The following ANK3 variants were observed in gnomAD, a reference collection of about 807,000 sequenced individuals.
ANK3 encodes ankyrin-3.
ANK3 carries 57 observed loss-of-function variants against 370.9 expected under a neutral mutation model. That is an observed-to-expected ratio of 0.15 (90% CI 0.12 to 0.19). The LOEUF (loss-of-function observed/expected upper bound fraction) is 0.19. Among genes scored for constraint, ANK3 ranks in the 10% least tolerant of loss-of-function variants. ANK3 has a pLI of 1.00. For missense variants in ANK3, 4,439 were observed against 5,302.1 expected (o/e 0.84, Z 5.06); for synonymous variants, 1,929 against 1,946.3 (o/e 0.99, Z 0.23).
At chr10:60,091,012 C>T (rs1374360727) in intron 28 of ANK3, among the ~76,000 whole-genome samples, 3 of 152,262 alleles carry the variant, frequency 2.0e-5, no homozygotes, top group Non-Finnish European at 2.9e-5. Flanking sequence ...TCTAGTGATT[C>T]TCCTGCTTTG....
intron 42 of ANK3, chr10:60,044,622 A>C (rs908241734): frequency 1.2e-4 from 19 of 152,364 alleles, no homozygotes; most frequent in African/African-American, 3.4e-4. Flanking sequence ...GCAGTTACAC[A>C]CTGTAAACCG....
intron 7 of ANK3, among the ~76,000 whole-genome samples, chr10:60,253,406 G>A (rs996345554): frequency 6.6e-6 from 1 of 152,162 alleles, no homozygotes; most frequent in Non-Finnish European, 1.5e-5. Context: ...CTGTAGGTGA[G>A]GAACATAGAT....
At position 60,389,487 on chromosome 10, in the gene ANK3, C is replaced by T. The variant is rs376506318; in HGVS notation, c.52G>A (p.Ala18Thr). Residue 18 changes from alanine (A) to threonine (T), a missense_variant, in exon 1 of 44, where the codon GCT becomes ACT. Physicochemically the swap from Ala to Thr is moderately conservative, Grantham distance 58. Around this residue, in one of 13 missense-constraint regions of ANK3, gnomAD observed 54 missense variants for 52.7 expected, o/e 1.02. Transcript: ENST00000280772. Reference protein sequence around the residue: ...LKKNRDLEINAEEEPEKKRKH... With the variant: ...LKKNRDLEINTEEEPEKKRKH... ...CTTTTTTTCTCAGGCTCTTCTTCAG[C>T]ATTGATTTCTAAATCCCTGTTTTTC... 6.2e-7 allele frequency: 1 copy of T among 1,613,990 alleles called. No homozygotes were observed. Among genetic ancestry groups the T allele is most frequent in the South Asian group, 1.1e-5 (1 of 91,070 alleles).
At chr10:60,212,872 TA>T (rs569766259) in intron 9 of ANK3, among the ~76,000 whole-genome samples, 5 of 151,982 alleles carry the variant, frequency 3.3e-5, no homozygotes, top group African/African-American at 4.8e-5. Flanking sequence ...GTTTTACTAT[TA>T]AAAAAAAGTC....
At chr10:60,544,641 T>C (rs1198919666) in intron 2 of ANK3, among the ~76,000 whole-genome samples, 1 of 152,110 alleles carries the variant, frequency 6.6e-6, no homozygotes, top group Admixed American at 6.6e-5. Context: ...AAGTGACAGA[T>C]TTAGATTTTA....
chr10:60,189,348 G>C (rs2096422462), intron 16 of ANK3, among the ~76,000 whole-genome samples: 1 of 152,204 alleles, frequency 6.6e-6, no homozygotes, highest in Non-Finnish European at 1.5e-5. Flanking sequence ...GAGAGACAGA[G>C]AGACAGATAC....
At chr10:60,327,999 T>C (rs753694145) in intron 1 of ANK3, among the ~76,000 whole-genome samples, 1 of 152,082 alleles carries the variant, frequency 6.6e-6, no homozygotes, top group South Asian at 2.1e-4. Flanking sequence ...TGGGTTGACA[T>C]CAATTAAATA....
chr10:60,359,962 C>A (rs1045388833), intron 1 of ANK3, among the ~76,000 whole-genome samples: 1 of 152,154 alleles, frequency 6.6e-6, no homozygotes, highest in African/African-American at 2.4e-5. Context: ...CTCTACTATT[C>A]GTTTCTAAAA....
At chr10:60,234,544 A>C (rs944024585) in intron 8 of ANK3, 144 bp downstream of exon 8, 18 of 550,982 alleles carry the variant, frequency 3.3e-5, no homozygotes, top group Admixed American at 3.0e-4. Context: ...TTTTAAAAAG[A>C]ATAAAAGTAG....
intron 7 of ANK3, among the ~76,000 whole-genome samples, chr10:60,245,167 T>TAAAAAAC (rs1367531929): frequency 4.0e-5 from 6 of 150,744 alleles, no homozygotes; most frequent in Admixed American, 1.3e-4. Flanking sequence ...AGACTCCGTC[T>TAAAAAAC]AAAAAACAAA....
At chr10:60,089,459 T>TTGTG (rs61497871) in intron 28 of ANK3, among the ~76,000 whole-genome samples, 2,829 of 141,542 alleles carry the variant, frequency 0.02, 42 homozygotes, top group Non-Finnish European at 0.029. Context: ...TCCATCCAGG[T>TTGTG]TGTGTGTGTG....
intron 13 of ANK3, among the ~76,000 whole-genome samples, chr10:60,199,123 A>G (rs2096633178): frequency 6.6e-6 from 1 of 152,134 alleles, no homozygotes; most frequent in Non-Finnish European, 1.5e-5. Context: ...CCTCACTACA[A>G]TTCACCCAAG....
chr10:60,315,075 C>A (rs576894281), intron 1 of ANK3, among the ~76,000 whole-genome samples: 2 of 152,220 alleles, frequency 1.3e-5, no homozygotes, highest in Admixed American at 6.5e-5. Context: ...TTACGCAGCC[C>A]ATTATCCACC....
intron 1 of ANK3, among the ~76,000 whole-genome samples, chr10:60,692,364 T>G (rs1024632980): frequency 1.3e-5 from 2 of 152,192 alleles, no homozygotes; most frequent in African/African-American, 4.8e-5. Flanking sequence ...CTGCCTCAAA[T>G]GAGGGTCTTC....
At chr10:60,188,957 G>C (rs1285342183) in intron 16 of ANK3, among the ~76,000 whole-genome samples, 1 of 152,114 alleles carries the variant, frequency 6.6e-6, no homozygotes, top group Admixed American at 6.6e-5. Flanking sequence ...CACTAAAATA[G>C]GAAATATAAT....
At chr10:60,172,095 T>G (rs1299719669) in intron 21 of ANK3, among the ~76,000 whole-genome samples, 1 of 152,238 alleles carries the variant, frequency 6.6e-6, no homozygotes, top group East Asian at 1.9e-4. Context: ...TAGCTACAGA[T>G]GCATCTTTTA....
At chr10:60,058,700 T>C (rs1010320119) in intron 41 of ANK3, among the ~76,000 whole-genome samples, 1 of 152,200 alleles carries the variant, frequency 6.6e-6, no homozygotes, top group Non-Finnish European at 1.5e-5. Flanking sequence ...ATGTTTGCAG[T>C]TAGGAAAAAA....
chr10:60,261,804 G>A, intron 7 of ANK3, 55 bp downstream of exon 7: 1 of 1,478,600 alleles, frequency 6.8e-7, no homozygotes, highest in Non-Finnish European at 9.4e-7. Context: ...TGGGGAAAGA[G>A]AGTATAAAAT....
At chr10:60,514,888 T>C (rs1410483944) in intron 2 of ANK3, among the ~76,000 whole-genome samples, 2 of 152,198 alleles carry the variant, frequency 1.3e-5, no homozygotes, top group Admixed American at 6.5e-5. Context: ...GTTTCTCTCA[T>C]ATTTCATATA....
Sources: gnomAD v4.1 joint callset for allele counts (sites outside exome capture counted in the v4.1 genomes callset) on GRCh38, gnomAD v4.1.1 for gene constraint, gnomAD v4.1.1 regional missense constraint, MANE v1.5 for transcripts, NCBI Gene and HGNC (gene_info 2026-07-23, HGNC 2026-07-21) for gene names.